NF1: variants seen among roughly 807,000 people sequenced by gnomAD.
NF1 encodes the protein neurofibromin.
A neutral mutation model predicts 325.7 loss-of-function variants in NF1; 122 were observed. That is an observed-to-expected ratio of 0.37 (90% confidence interval 0.32 to 0.44). The LOEUF is 0.44. Ranked by LOEUF, NF1 falls within the 20% of genes least tolerant of loss-of-function variation. NF1 has a pLI of 1.00. For missense variants in NF1, 2,140 were observed against 3,415.4 expected (o/e 0.63, Z 9.31); for synonymous variants, 1,091 against 1,186.0 (o/e 0.92, Z 1.65).
intron 5 of NF1, among the ~76,000 whole-genome samples, chr17:31,173,370 A>G (rs1371685954): frequency 6.6e-6 from 1 of 152,150 alleles, no homozygotes; most frequent in African/African-American, 2.4e-5. Context: ...AGATTGTGCC[A>G]CTGCACTCCA....
Position 31,327,492 on chromosome 17 carries a change from T to C in NF1, c.5269-7T>C, listed in dbSNP as rs2151540732. ...CTCCACTTCACCCCGTCACCACCAC[T>C]TTCCAGGTTGGTTCTACTGCTGTCC... On this transcript the variant is annotated splice_polypyrimidine_tract_variant and splice_region_variant and intron_variant, in intron 37 of 57. Transcript: ENST00000358273. 6.2e-7 allele frequency: 1 copy of C among 1,611,172 alleles called. No homozygotes were observed. The highest frequency in any genetic ancestry group is 8.5e-7 in the Non-Finnish European group (1 of 1,178,776).
At chr17:31,204,328 C>G (rs2066582723) in intron 11 of NF1, among the ~76,000 whole-genome samples, 1 of 151,996 alleles carries the variant, frequency 6.6e-6, no homozygotes, top group Non-Finnish European at 1.5e-5. Context: ...GGAATTGTTT[C>G]CAAGGCATTT....
intron 1 of NF1, among the ~76,000 whole-genome samples, chr17:31,126,986 C>T (rs1371541401): frequency 6.6e-6 from 1 of 151,988 alleles, no homozygotes; most frequent in African/African-American, 2.4e-5. Flanking sequence ...TGTAAGGATC[C>T]ACTTTTATTT....
chr17:31,111,119 T>C (rs188871619), intron 1 of NF1, among the ~76,000 whole-genome samples: 2 of 151,940 alleles, frequency 1.3e-5, no homozygotes, highest in Admixed American at 1.3e-4. Flanking sequence ...AAATTAATTA[T>C]TCATTGTACC....
chr17:31,263,155 G>T, intron 35 of NF1, among the ~76,000 whole-genome samples: 1 of 151,238 alleles, frequency 6.6e-6, no homozygotes, highest in Non-Finnish European at 1.5e-5. Flanking sequence ...AGATAAGATA[G>T]ATAGATTGGG....
chr17:31,304,388 C>T (rs779129657), intron 36 of NF1: 1 of 1,614,072 alleles, frequency 6.2e-7, no homozygotes. Context: ...ATAAAATCTA[C>T]TGGTGGCAGG....
chr17:31,202,443 C>G (rs2066547109), intron 11 of NF1, among the ~76,000 whole-genome samples: 1 of 152,178 alleles, frequency 6.6e-6, no homozygotes, highest in South Asian at 2.1e-4. Flanking sequence ...TGCCCATATT[C>G]TATCCATTCC....
intron 57 of NF1, among the ~76,000 whole-genome samples, chr17:31,369,751 T>C (rs948870077): frequency 3.3e-5 from 5 of 152,234 alleles, no homozygotes; most frequent in African/African-American, 1.2e-4. Context: ...GTGTTCTGTC[T>C]GCATTGGAGT....
intron 8 of NF1, among the ~76,000 whole-genome samples, chr17:31,191,725 A>G (rs1382334674): frequency 1.3e-5 from 2 of 152,228 alleles, no homozygotes. Context: ...GAAAGTTCAT[A>G]TTTAATAAGT....
intron 52 of NF1, 106 bp downstream of exon 52, chr17:31,356,688 A>G: frequency 6.7e-7 from 1 of 1,493,862 alleles, no homozygotes; most frequent in Non-Finnish European, 9.1e-7. Context: ...AGTGAAATAT[A>G]GAAACGTTTG....
chr17:31,146,359 G>A (rs1313002517), intron 1 of NF1, among the ~76,000 whole-genome samples: 1 of 152,084 alleles, frequency 6.6e-6, no homozygotes, highest in African/African-American at 2.4e-5. Context: ...GCCTTTGGGA[G>A]TTCAACCTTT....
rs1430831400 is a variant in NF1 at position 31,335,235 on chromosome 17, G to T, written c.6006+204G>T. On this transcript the variant is annotated intron_variant, in intron 40 of 57. Transcript: ENST00000358273. ...GTCTAGTGCATGTCTCAGAGCCAGAGAAAAGCTAGTTATTTGCACAGTCTC... is the reference window on the plus strand; with the variant it reads ...GTCTAGTGCATGTCTCAGAGCCAGATAAAAGCTAGTTATTTGCACAGTCTC... Among the ~76,000 whole-genome samples, 127 of 17,992 alleles carry T rather than the reference G, an allele frequency of 7.1e-3. 1 individual carries two copies. The highest frequency in any genetic ancestry group is 0.026 in the African/African-American group (126 of 4,866). 11.8% of individuals were successfully genotyped at this position (17,992 alleles called of 152,430 possible). A position where few individuals can be genotyped will look rare whatever the true frequency, so the allele number is the denominator to read the frequency against.
intron 1 of NF1, among the ~76,000 whole-genome samples, chr17:31,099,617 T>C (rs1457959841): frequency 6.7e-6 from 1 of 149,744 alleles, no homozygotes; most frequent in Admixed American, 6.8e-5. Flanking sequence ...TGGAGTGCAA[T>C]GGGGAGATCT....
Position 31,180,314 on chromosome 17 carries a change from C to A in NF1, c.587-1108C>A, listed in dbSNP as rs532964816. On this transcript the variant is annotated intron_variant, in intron 5 of 57. Transcript: ENST00000358273. ...ACAAGAGAAAATTTTAGGCTGATAT[C>A]CCTGATGAACATCGATGCAAAAATC... Among the ~76,000 whole-genome samples, 36 of 152,296 alleles carry A rather than the reference C, an allele frequency of 2.4e-4. No homozygotes were observed. The South Asian group carries it at 7.0e-3, about 30-fold the overall frequency.
intron 36 of NF1, among the ~76,000 whole-genome samples, chr17:31,266,834 T>TTA (rs2067798573): frequency 6.6e-6 from 1 of 151,968 alleles, no homozygotes; most frequent in Non-Finnish European, 1.5e-5. Flanking sequence ...TGCAGATCCC[T>TTA]TAGTGAGATT....
At position 31,238,788 on chromosome 17, in the gene NF1, A is replaced by G. The variant is rs560441325; in HGVS notation, c.3974+2767A>G. Reference sequence around the variant, plus strand: ...GTCACACTTTAAGGAATTTGGCCCAATAAAACAATGGAGATATAATCAGAT... The same window carrying G: ...GTCACACTTTAAGGAATTTGGCCCAGTAAAACAATGGAGATATAATCAGAT... On this transcript the variant is annotated intron_variant, in intron 29 of 57. Transcript: ENST00000358273. 9.9e-5 allele frequency among the ~76,000 whole-genome samples: 15 copies of G among 152,256 alleles called. No homozygotes were observed. The East Asian group carries it at 2.5e-3, about 25-fold the overall frequency.
chr17:31,358,758 T>C (rs572272069), intron 55 of NF1, 136 bp downstream of exon 55: 147 of 1,264,036 alleles, frequency 1.2e-4, no homozygotes, highest in Admixed American at 7.8e-4. Context: ...ATTTTTTTAC[T>C]CTCTCAACTG....
At chr17:31,156,521 T>TA (rs1169758141) in intron 2 of NF1, among the ~76,000 whole-genome samples, 1 of 152,216 alleles carries the variant, frequency 6.6e-6, no homozygotes, top group African/African-American at 2.4e-5. Flanking sequence ...TGAATTTACT[T>TA]ACGGTTGTCC....
chr17:31,351,486 G>A (rs907924637), intron 50 of NF1, among the ~76,000 whole-genome samples: 1 of 151,830 alleles, frequency 6.6e-6, no homozygotes, highest in Non-Finnish European at 1.5e-5. Context: ...ACACAATCTC[G>A]GCTCACTACA....
Sources: allele counts gnomAD v4.1 joint callset (sites outside exome capture counted in the v4.1 genomes callset), GRCh38; gene constraint gnomAD v4.1.1; transcripts MANE v1.5; gene names NCBI Gene and HGNC (gene_info 2026-07-23, HGNC 2026-07-21).